Variants in GABBR2 observed in about 807,000 individuals in gnomAD.
GABBR2 encodes the protein gamma-aminobutyric acid type B receptor subunit 2, also known as G-protein coupled receptor 51.
Under a neutral mutation model 105.6 loss-of-function variants are expected in GABBR2, and 23 were observed. The ratio of observed to expected loss-of-function variants is 0.22; its 90% CI spans 0.16 to 0.31. GABBR2 has a LOEUF of 0.31. Ranked by LOEUF, GABBR2 falls within the 10% of genes least tolerant of loss-of-function variation. The pLI, the probability that GABBR2 is intolerant of heterozygous loss-of-function variation, is 1.00. For missense variants in GABBR2, 734 were observed against 1,245.5 expected (o/e 0.59, Z 6.18); for synonymous variants, 478 against 499.7 (o/e 0.96, Z 0.58).
At chr9:98,406,403 G>A (rs944959604) in intron 7 of GABBR2, among the ~76,000 whole-genome samples, 2 of 152,348 alleles carry the variant, frequency 1.3e-5, no homozygotes, top group East Asian at 3.9e-4. Context: ...GCATCATCAT[G>A]ATCACCATGA....
chr9:98,680,604 C>T (rs979077745), intron 1 of GABBR2, among the ~76,000 whole-genome samples: 1 of 152,124 alleles, frequency 6.6e-6, no homozygotes, highest in African/African-American at 2.4e-5. Flanking sequence ...CCACCATGCC[C>T]GGCCTCTATT....
intron 7 of GABBR2, among the ~76,000 whole-genome samples, chr9:98,436,716 C>T (rs1564068482): frequency 6.6e-6 from 1 of 151,850 alleles, no homozygotes; most frequent in East Asian, 1.9e-4. Context: ...TCACTCTTGC[C>T]TAGAATTTTG....
chr9:98,408,016 A>G (rs1370992378), intron 7 of GABBR2, among the ~76,000 whole-genome samples: 1 of 152,234 alleles, frequency 6.6e-6, no homozygotes, highest in Non-Finnish European at 1.5e-5. Flanking sequence ...GGCAAGTTCC[A>G]GAACATCTCT....
chr9:98,459,950 C>T (rs1407716215), intron 6 of GABBR2, among the ~76,000 whole-genome samples: 1 of 152,174 alleles, frequency 6.6e-6, no homozygotes, highest in African/African-American at 2.4e-5. Flanking sequence ...TACAATTTTT[C>T]ATACACAACA....
At chr9:98,590,525 T>C (rs777998739) in intron 1 of GABBR2, among the ~76,000 whole-genome samples, 18 of 152,252 alleles carry the variant, frequency 1.2e-4, no homozygotes, top group Non-Finnish European at 2.1e-4. Context: ...TCCCCACATA[T>C]GCAGGTGTGA....
chr9:98,704,691 T>C (rs1161834139), intron 1 of GABBR2, among the ~76,000 whole-genome samples: 1 of 152,140 alleles, frequency 6.6e-6, no homozygotes, highest in Non-Finnish European at 1.5e-5. Flanking sequence ...AGATGGATTA[T>C]GGGCAATTAT....
intron 1 of GABBR2, among the ~76,000 whole-genome samples, chr9:98,642,134 A>C (rs1348589100): frequency 6.6e-6 from 1 of 152,200 alleles, no homozygotes; most frequent in African/African-American, 2.4e-5. Context: ...CTCTCAGACC[A>C]GAATAATATT....
At chr9:98,693,448 A>T (rs968146523) in intron 1 of GABBR2, among the ~76,000 whole-genome samples, 6 of 152,046 alleles carry the variant, frequency 3.9e-5, no homozygotes, top group Admixed American at 3.9e-4. Context: ...TCTGGCCCCC[A>T]CTCAAAGCAA....
intron 1 of GABBR2, among the ~76,000 whole-genome samples, chr9:98,617,541 TG>T (rs1020840380): frequency 1.1e-4 from 16 of 152,298 alleles, no homozygotes; most frequent in African/African-American, 3.8e-4. Context: ...GAGACATTGC[TG>T]TGGACCACAC....
intron 13 of GABBR2, among the ~76,000 whole-genome samples, chr9:98,334,987 G>C (rs1588108469): frequency 6.6e-6 from 1 of 152,268 alleles, no homozygotes; most frequent in South Asian, 2.1e-4. Flanking sequence ...TTCCCTGTTG[G>C]TTTCTGTGGT....
chr9:98,679,533 G>A (rs780310522), intron 1 of GABBR2, among the ~76,000 whole-genome samples: 3 of 152,208 alleles, frequency 2.0e-5, no homozygotes, highest in Non-Finnish European at 2.9e-5. Context: ...GTAATGATTG[G>A]AGCTGCTCAA....
At chr9:98,442,985 G>T (rs1826058109) in intron 7 of GABBR2, among the ~76,000 whole-genome samples, 1 of 152,106 alleles carries the variant, frequency 6.6e-6, no homozygotes, top group Admixed American at 6.5e-5. Flanking sequence ...TCCAAATAAG[G>T]TCACATTCTG....
intron 11 of GABBR2, among the ~76,000 whole-genome samples, chr9:98,378,940 A>C (rs1448029572): frequency 2.0e-5 from 3 of 152,226 alleles, no homozygotes; most frequent in Non-Finnish European, 4.4e-5. Context: ...AAGTAGAGGC[A>C]GCTGGGAGCT....
At chr9:98,291,387 A>G (rs1035760994) in intron 18 of GABBR2, among the ~76,000 whole-genome samples, 14 of 152,214 alleles carry the variant, frequency 9.2e-5, no homozygotes, top group African/African-American at 3.4e-4. Flanking sequence ...TGCAAACCAG[A>G]TAGTTCGCAT....
chr9:98,703,494 T>C (rs1405747385), intron 1 of GABBR2, among the ~76,000 whole-genome samples: 1 of 152,206 alleles, frequency 6.6e-6, no homozygotes, highest in East Asian at 1.9e-4. Context: ...TTTTAAATTT[T>C]ATTTCGTTTT....
intron 8 of GABBR2, among the ~76,000 whole-genome samples, chr9:98,400,210 A>G (rs183631409): frequency 9.6e-4 from 146 of 152,046 alleles, no homozygotes; most frequent in African/African-American, 3.4e-3. Context: ...AAAAAAAGAA[A>G]AAAAGAAAAG....
intron 12 of GABBR2, among the ~76,000 whole-genome samples, chr9:98,364,601 A>ATTTTTTTTTTTTT (rs61391834): frequency 5.9e-5 from 8 of 135,190 alleles, no homozygotes; most frequent in African/African-American, 1.4e-4. Context: ...GAGGAAGTGG[A>ATTTTTTTTTTTTT]TTTTTTTTTT....
intron 7 of GABBR2, among the ~76,000 whole-genome samples, chr9:98,438,085 TATCCATCCATCC>T (rs57464910): frequency 1.3e-5 from 2 of 149,248 alleles, no homozygotes; most frequent in South Asian, 2.1e-4. Context: ...TCCACACATC[TATCCATCCATCC>T]ATCCATCCAT....
chr9:98,372,193 T>A (rs561513940), intron 11 of GABBR2, among the ~76,000 whole-genome samples: 4 of 152,170 alleles, frequency 2.6e-5, no homozygotes, highest in Non-Finnish European at 5.9e-5. Flanking sequence ...ACAACTTGGA[T>A]CCCTGAAGGC....
Sources: gnomAD v4.1 joint callset for allele counts (sites outside exome capture counted in the v4.1 genomes callset) on GRCh38, gnomAD v4.1.1 for gene constraint, MANE v1.5 for transcripts, NCBI Gene and HGNC (gene_info 2026-07-23, HGNC 2026-07-21) for gene names.